The following ZIC4 variants were observed in gnomAD, a reference collection of about 807,000 sequenced individuals.
The protein encoded by ZIC4 is Zic family zinc finger 4, also known as zinc finger protein ZIC 4.
In ZIC4, 15 loss-of-function variants were observed where a neutral mutation model predicts 28.8. The ratio of observed to expected loss-of-function variants is 0.52; its 90% CI spans 0.35 to 0.80. The LOEUF is 0.80. ZIC4 is among the 30% of genes least tolerant of loss of function. The pLI, the probability that ZIC4 is intolerant of heterozygous loss-of-function variation, is 0.01. For missense variants in ZIC4, 512 were observed against 467.1 expected, an observed-to-expected ratio of 1.10 and a Z score of -0.89; for synonymous variants, 220 against 198.1, an observed-to-expected ratio of 1.11 and a Z score of -0.93.
At chr3:147,392,187 T>G in intron 3 of ZIC4, 1 of 985,562 alleles carries the variant, frequency 1.0e-6, no homozygotes, top group Non-Finnish European at 1.2e-6. Flanking sequence ...ACAGGCCAAA[T>G]GGGATCCGAG....
rs114665563 is a variant in ZIC4 at position 147,386,105 on chromosome 3, C to A, written c.*2754G>T. The A allele has an allele frequency of 0.045, 6,870 of 152,282 alleles. 218 individuals carry two copies. Among genetic ancestry groups the A allele is most frequent in the Non-Finnish European group, 0.067 (4,588 of 68,030 alleles). 9.4% of individuals were successfully genotyped at this position (152,282 alleles called of 1,614,324 possible). A position where few individuals can be genotyped will look rare whatever the true frequency, so the allele number is the denominator to read the frequency against. Reference sequence around the variant, plus strand: ...TTCCAAAGAAAATAGCCAAATGCAGCGCCATGTACACAAAAGCCTTTGGAG... The same window carrying A: ...TTCCAAAGAAAATAGCCAAATGCAGAGCCATGTACACAAAAGCCTTTGGAG... On this transcript the variant is annotated 3_prime_UTR_variant, in exon 5 of 5. Coordinates refer to ENST00000383075, the MANE Select transcript of ZIC4 (RefSeq NM_032153.6).
rs1307924254 is a variant in ZIC4, at chr3:147,388,368, C to T, written c.*491G>A. The stretch of plus-strand genomic sequence containing the variant: ...GATTAGACCTTTCTCCTTTTCTTTC[C>T]CCTCTTACAAACCATTTCCTCGCCT... On this transcript the variant is annotated 3_prime_UTR_variant, in exon 5 of 5. Transcript: ENST00000383075. The T allele has an allele frequency of 6.3e-6, 1 of 158,352 alleles. No homozygotes were observed. Among genetic ancestry groups the T allele is most frequent in the Non-Finnish European group, 1.4e-5 (1 of 72,222 alleles). 9.8% of individuals were successfully genotyped at this position (158,352 alleles called of 1,614,324 possible). A position where few individuals can be genotyped will look rare whatever the true frequency, so the allele number is the denominator to read the frequency against.
intron 1 of ZIC4, chr3:147,405,417 T>A: frequency 6.5e-7 from 1 of 1,537,168 alleles, no homozygotes. Flanking sequence ...ACGGCCGAAG[T>A]GCAACCCTCC....
rs534496760 is a variant in ZIC4 at position 147,387,541 on chromosome 3, T to C, written c.*1318A>G. 1 of 152,756 alleles carries C rather than the reference T, an allele frequency of 6.5e-6. No homozygotes were observed. Among genetic ancestry groups the C allele is most frequent in the African/African-American group, 2.4e-5 (1 of 41,570 alleles). The allele number at this position is 152,756 out of a possible 1,614,324, so 9.5% of individuals were successfully genotyped here. A position where few individuals can be genotyped will look rare whatever the true frequency, so the allele number is the denominator to read the frequency against. ...AAGAAGACTCCACTGTTTGATTTTT[T>C]TTTTCACTGTGTTTATTTTTCCCCT... On this transcript the variant is annotated 3_prime_UTR_variant, in exon 5 of 5. Coordinates refer to ENST00000383075, the MANE Select transcript of ZIC4 (RefSeq NM_032153.6).
intron 3 of ZIC4, among the ~76,000 whole-genome samples, chr3:147,395,001 G>A (rs2087010096): frequency 6.6e-6 from 1 of 152,172 alleles, no homozygotes; most frequent in Non-Finnish European, 1.5e-5. Flanking sequence ...GGGGAGGGGA[G>A]AAGATGTTGA....
chr3:147,396,353 G>A lies in ZIC4; in HGVS notation c.187C>T (p.Leu63=). The change falls in exon 3 of 5, where the codon CTG becomes TTG. Residue 63 remains leucine (L), a synonymous_variant. Transcript: ENST00000383075. The surrounding 1 kb of genome is among the most constrained non-coding windows in gnomAD (Gnocchi z 4.2). ...ASPSRPLNGL[L]RLGLPGDMYA... ...ATGTCTCCAGGGAGCCCCAGACGCA[G>A]GAGTCCATTCAAAGGACGGCTGGGG... 1.3e-6 allele frequency: 2 copies of A among 1,562,296 alleles called. No homozygotes were observed. The highest frequency in any genetic ancestry group is 1.7e-6 in the Non-Finnish European group (2 of 1,157,056).
chr3:147,390,865 G>T, intron 4 of ZIC4, 66 bp downstream of exon 4: 3 of 1,526,378 alleles, frequency 2.0e-6, no homozygotes, highest in East Asian at 2.3e-5. Flanking sequence ...AGGGCCAGGT[G>T]GTAGCTCGGG....
At chr3:147,403,384 C>T (rs922726500) in intron 1 of ZIC4, among the ~76,000 whole-genome samples, 17 of 152,070 alleles carry the variant, frequency 1.1e-4, no homozygotes, top group Admixed American at 3.9e-4. Flanking sequence ...GATTCATCAC[C>T]GGTTGACTTT....
chr3:147,390,564 G>T (rs1318228275), intron 4 of ZIC4, among the ~76,000 whole-genome samples: 1 of 151,884 alleles, frequency 6.6e-6, no homozygotes. Flanking sequence ...GTCTCTTTTC[G>T]CCCCTAACCC....
intron 3 of ZIC4, among the ~76,000 whole-genome samples, chr3:147,394,637 G>C (rs1282737712): frequency 6.6e-6 from 1 of 152,052 alleles, no homozygotes; most frequent in African/African-American, 2.4e-5. Flanking sequence ...TCTGGTGAGG[G>C]GGTGAGATCC....
chr3:147,398,545 C>G (rs868224325), intron 2 of ZIC4, among the ~76,000 whole-genome samples: 1 of 152,120 alleles, frequency 6.6e-6, no homozygotes, highest in Admixed American at 6.5e-5. Flanking sequence ...AGCGGTAGTC[C>G]TTTGTCTGAG....
intron 3 of ZIC4, among the ~76,000 whole-genome samples, chr3:147,395,305 C>T (rs541892773): frequency 2.0e-4 from 31 of 152,198 alleles, no homozygotes; most frequent in South Asian, 4.2e-4. Flanking sequence ...TGTGCTAAAG[C>T]GAAAGTGAGG....
At chr3:147,395,011 A>C (rs1461211207) in intron 3 of ZIC4, among the ~76,000 whole-genome samples, 4 of 152,112 alleles carry the variant, frequency 2.6e-5, no homozygotes, top group African/African-American at 9.7e-5. Flanking sequence ...GAAGATGTTG[A>C]TTTCTTAAAC....
intron 2 of ZIC4, among the ~76,000 whole-genome samples, chr3:147,398,105 C>A (rs969981651): frequency 6.6e-6 from 1 of 152,320 alleles, no homozygotes; most frequent in East Asian, 1.9e-4. Context: ...GTCACACCCA[C>A]CCGCAGGCCT....
chr3:147,390,279 T>A (rs1342859839), intron 4 of ZIC4, among the ~76,000 whole-genome samples: 1 of 151,018 alleles, frequency 6.6e-6, no homozygotes, highest in Non-Finnish European at 1.5e-5. Context: ...AAAGGATACC[T>A]AGGGAAGGGG....
At chr3:147,403,842 A>G in intron 1 of ZIC4, 2 of 915,422 alleles carry the variant, frequency 2.2e-6, no homozygotes, top group Non-Finnish European at 3.2e-6. Context: ...ATGCACAAAG[A>G]TCTCTCTCTC....
intron 1 of ZIC4, chr3:147,405,373 C>G: frequency 1.3e-6 from 2 of 1,535,776 alleles, no homozygotes; most frequent in Non-Finnish European, 1.7e-6. Context: ...AAAACATGAC[C>G]TTGGAATCCA....
At chr3:147,388,902 C>T (rs2086849550) in intron 4 of ZIC4, 43 bp from the exon 5 acceptor site, 1 of 777,882 alleles carries the variant, frequency 1.3e-6, no homozygotes. Context: ...TAGTGGCCGA[C>T]CAAACATTTT....
In ZIC4 at chr3:147,391,440, G is replaced by A. The variant is rs1436279935; in HGVS notation, c.689-194C>T. 7 of 614,326 alleles carry A rather than the reference G, an allele frequency of 1.1e-5. No homozygotes were observed. The East Asian group carries it at 1.5e-4, about 13-fold the overall frequency. 38.1% of individuals were successfully genotyped at this position (614,326 alleles called of 1,614,324 possible). On this transcript the variant is annotated intron_variant, in intron 3 of 4. Coordinates refer to ENST00000383075, the MANE Select transcript of ZIC4 (RefSeq NM_032153.6). ...GCGCCCCCGGTGCCCTCTCTTGAAC[G>A]CCTCCATCCCTCCCGCCTTCCTCCT... is the stretch of plus-strand genomic sequence containing the variant.
Sources: gnomAD v4.1 joint callset for allele counts (sites outside exome capture counted in the v4.1 genomes callset) on GRCh38, gnomAD v4.1.1 for gene constraint, Gnocchi (gnomAD v3.1) non-coding constraint, MANE v1.5 for transcripts, NCBI Gene and HGNC (gene_info 2026-07-23, HGNC 2026-07-21) for gene names.